Variants in MAP3K4 observed in about 807,000 individuals in gnomAD.
MAP3K4 encodes the protein mitogen-activated protein kinase kinase kinase 4.
MAP3K4 carries 67 observed loss-of-function variants against 185.6 expected under a neutral mutation model. The ratio of observed to expected loss-of-function variants is 0.36; its 90% CI spans 0.30 to 0.44. The LOEUF (loss-of-function observed/expected upper bound fraction) is 0.44, where lower values mean the gene tolerates loss of function less well. Ranked by LOEUF, MAP3K4 falls within the 20% of genes least tolerant of loss-of-function variation. The pLI is 1.00. For synonymous variants in MAP3K4, 702 were observed against 710.4 expected (o/e 0.99, Z 0.19); for missense variants, 1,551 against 1,995.1 (o/e 0.78, Z 4.24).
chr6:161,059,326 G>A (rs559129043), intron 3 of MAP3K4, among the ~76,000 whole-genome samples: 1 of 152,114 alleles, frequency 6.6e-6, no homozygotes, highest in South Asian at 2.1e-4. Context: ...TAGTAGAGAT[G>A]GGGTTTCATT....
In MAP3K4 at chr6:161,087,406, G is replaced by A. The variant is rs2140650; in HGVS notation, c.2557-282G>A. On this transcript the variant is annotated intron_variant, in intron 9 of 26. Transcript: ENST00000392142. The surrounding 1 kb of genome is among the most constrained non-coding windows in gnomAD (Gnocchi z 4.9). The stretch of plus-strand genomic sequence containing the variant: ...TTCTTTCAGGCTGCCTTGCCTCCCC[G>A]TCGAGTATTTTCTTTGTTGTTGAAA... 0.68 allele frequency among the ~76,000 whole-genome samples: 103,983 copies of A among 152,008 alleles called. 36,392 individuals carry two copies. The highest frequency in any genetic ancestry group is 0.77 in the Admixed American group (11,771 of 15,280).
At chr6:161,015,699 G>T (rs999448702) in intron 1 of MAP3K4, among the ~76,000 whole-genome samples, 1 of 152,044 alleles carries the variant, frequency 6.6e-6, no homozygotes, top group Non-Finnish European at 1.5e-5. Context: ...GGTGCGGGGC[G>T]GGGGGAAGGT....
At chr6:161,068,320 G>A (rs1228518752) in intron 3 of MAP3K4, among the ~76,000 whole-genome samples, 3 of 152,180 alleles carry the variant, frequency 2.0e-5, no homozygotes, top group African/African-American at 7.2e-5. Context: ...AGAGGAGGGT[G>A]GCATCTGGGC....
rs185557180 is a variant in MAP3K4, at chr6:161,017,322, G to T, written c.153-16937G>T. Among the ~76,000 whole-genome samples the T allele has an allele frequency of 4.0e-3, 602 of 152,158 alleles. 1 individual carries two copies. Among genetic ancestry groups the T allele is most frequent in the Non-Finnish European group, 6.8e-3 (461 of 67,974 alleles). ...GTCAAAACAATTTGGTGGCATACTT[G>T]TTTCTGTTAATGATATTTCCCCCTC... On this transcript the variant is annotated intron_variant, in intron 1 of 26. Coordinates refer to ENST00000392142, the MANE Select transcript of MAP3K4 (RefSeq NM_005922.4). This position sits in a 1 kb window ranked among gnomAD's most constrained non-coding sequence, Gnocchi z 5.1.
At chr6:161,029,919 A>G (rs1046464300) in intron 1 of MAP3K4, among the ~76,000 whole-genome samples, 1 of 152,154 alleles carries the variant, frequency 6.6e-6, no homozygotes, top group African/African-American at 2.4e-5. Flanking sequence ...TTAATATGTT[A>G]CTTCTAAGCT....
chr6:161,036,926 C>T (rs1222802149), intron 2 of MAP3K4, among the ~76,000 whole-genome samples: 3 of 152,166 alleles, frequency 2.0e-5, no homozygotes, highest in African/African-American at 7.2e-5. Context: ...AAATCCAAAA[C>T]ACTTCTGGTC....
At position 161,049,220 on chromosome 6, in the gene MAP3K4, T is replaced by A; in HGVS notation, c.948T>A (p.Gly316=). The A allele has an allele frequency of 1.2e-6, 2 of 1,614,070 alleles. No individual in the cohort carries two copies. Among genetic ancestry groups the A allele is most frequent in the Non-Finnish European group, 1.7e-6 (2 of 1,180,006 alleles). ...GSFAFVRDRA[G]FNGTSVEGQC... is the part of the protein sequence containing the mutation. ...TCGCCTTTGTTAGAGATAGAGCTGG[T>A]TTTAATGGTACTTCAGTAGAAGGGC... is the stretch of plus-strand genomic sequence containing the variant. The change falls in exon 3 of 27, where the codon GGT becomes GGA. Residue 316 remains glycine, a synonymous_variant. Transcript: ENST00000392142. The surrounding 1 kb of genome is among the most constrained non-coding windows in gnomAD (Gnocchi z 8.4).
rs183480017 is a variant in MAP3K4, at chr6:161,004,879, A to G, written c.152+12796A>G. Among the ~76,000 whole-genome samples, 643 of 152,352 alleles carry G rather than the reference A, an allele frequency of 4.2e-3. 5 individuals carry two copies. Among genetic ancestry groups the G allele is most frequent in the African/African-American group, 0.015 (616 of 41,582 alleles). On this transcript the variant is annotated intron_variant, in intron 1 of 26. Transcript: ENST00000392142. ...TTGTGCAGATAATGTAGAAAAGTAA[A>G]GAATAACTTTTACAGTCTATTAAGA...
chr6:161,003,220 A>T (rs1334670655), intron 1 of MAP3K4, among the ~76,000 whole-genome samples: 1 of 152,190 alleles, frequency 6.6e-6, no homozygotes, highest in East Asian at 1.9e-4. Flanking sequence ...GTATTAAGTT[A>T]TTCATACCAG....
rs988947793 is a variant in MAP3K4 at position 161,076,040 on chromosome 6, C to T, written c.2097+2428C>T. Among the ~76,000 whole-genome samples, 4 of 152,166 alleles carry T rather than the reference C, an allele frequency of 2.6e-5. No homozygotes were observed. Among genetic ancestry groups the T allele is most frequent in the African/African-American group, 4.8e-5 (2 of 41,424 alleles). ...AAAACAGCAAATGGAAAAATTCCTT[C>T]TTCAGAGAAGGAGGAAATTGGCCAC... On this transcript the variant is annotated intron_variant, in intron 5 of 26. Transcript: ENST00000392142. This position sits in a 1 kb window ranked among gnomAD's most constrained non-coding sequence, Gnocchi z 4.2.
rs374784525 is a variant in MAP3K4, at chr6:161,020,529, G to A, written c.153-13730G>A. ...AAATATTAGCTGGGCGTGGTAGTGC[G>A]CGCCTGTAGTCCCAGCAACTCGGGA... On this transcript the variant is annotated intron_variant, in intron 1 of 26. Transcript: ENST00000392142. Among the ~76,000 whole-genome samples, 272 of 151,948 alleles carry A rather than the reference G, an allele frequency of 1.8e-3. 1 individual carries two copies. The highest frequency in any genetic ancestry group is 6.3e-3 in the African/African-American group (262 of 41,442).
In MAP3K4 at chr6:161,054,359, T is replaced by C. The variant is rs1784142420; in HGVS notation, c.1707+4380T>C. Among the ~76,000 whole-genome samples, 1 of 152,174 alleles carries C rather than the reference T, an allele frequency of 6.6e-6. No individual in the cohort carries two copies. The highest frequency in any genetic ancestry group is 2.4e-5 in the African/African-American group (1 of 41,446). On this transcript the variant is annotated intron_variant, in intron 3 of 26. Coordinates refer to ENST00000392142, the MANE Select transcript of MAP3K4 (RefSeq NM_005922.4). This position sits in a 1 kb window ranked among gnomAD's most constrained non-coding sequence, Gnocchi z 4.2. ...TAGTAGAGATGGTGTTTCACCATGT[T>C]GGTCAGGCTGGTCTCAAACTCCTGA...
At chr6:161,078,866 T>C (rs4472323) in intron 5 of MAP3K4, among the ~76,000 whole-genome samples, 138,148 of 152,246 alleles carry the variant, frequency 0.91, 62,865 homozygotes, top group East Asian at 0.99. Context: ...CTTAAAGGGG[T>C]AGGGTCTTTT....
At position 161,091,866 on chromosome 6, in the gene MAP3K4, ATTC is replaced by A; in HGVS notation, c.3136-140_3136-138del. On this transcript the variant is annotated intron_variant, in intron 12 of 26. Transcript: ENST00000392142. This position sits in a 1 kb window ranked among gnomAD's most constrained non-coding sequence, Gnocchi z 5.5. ...ATTTTGAAACACTGTACTTTCCATA[ATTC>A]TTCATACTATTCAAAATATAGAAAT... The A allele has an allele frequency of 2.8e-6, 2 of 705,690 alleles. No homozygotes were observed. Among genetic ancestry groups the A allele is most frequent in the Non-Finnish European group, 4.6e-6 (2 of 434,582 alleles). 43.7% of individuals were successfully genotyped at this position (705,690 alleles called of 1,614,324 possible).
At position 161,100,029 on chromosome 6, in the gene MAP3K4, C is replaced by G. The variant is rs1315425106; in HGVS notation, c.3674+1602C>G. Among the ~76,000 whole-genome samples, 1 of 152,154 alleles carries G rather than the reference C, an allele frequency of 6.6e-6. No homozygotes were observed. The highest frequency in any genetic ancestry group is 2.4e-5 in the African/African-American group (1 of 41,422). On this transcript the variant is annotated intron_variant, in intron 17 of 26. Transcript: ENST00000392142. This position sits in a 1 kb window ranked among gnomAD's most constrained non-coding sequence, Gnocchi z 5.8. The stretch of plus-strand genomic sequence containing the variant: ...GGTATCTTGAAGGACATTTTTTACT[C>G]AGGATTCCCGTTTACTTTATGACCG...
chr6:161,039,147 C>G (rs552267545), intron 2 of MAP3K4, among the ~76,000 whole-genome samples: 1 of 152,148 alleles, frequency 6.6e-6, no homozygotes, highest in South Asian at 2.1e-4. Context: ...CTCAAGGCAG[C>G]GGTACCAGGT....
rs1583171878 is a variant in MAP3K4, at chr6:161,053,796, G to C, written c.1707+3817G>C. On this transcript the variant is annotated intron_variant, in intron 3 of 26. Coordinates refer to ENST00000392142, the MANE Select transcript of MAP3K4 (RefSeq NM_005922.4). The surrounding 1 kb of genome is among the most constrained non-coding windows in gnomAD (Gnocchi z 4.2). ...TTAATAGAGACGGGGGTTTCACCATGTTGGCCAGGCTAGTCTTGAACTCCT... is the reference window on the plus strand; with the variant it reads ...TTAATAGAGACGGGGGTTTCACCATCTTGGCCAGGCTAGTCTTGAACTCCT... 2.0e-5 allele frequency among the ~76,000 whole-genome samples: 3 copies of C among 152,168 alleles called. No individual in the cohort carries two copies. In the East Asian group the frequency reaches 5.8e-4, roughly 30 times the overall value.
In MAP3K4 at chr6:161,090,578, G is replaced by A. The variant is rs533797877; in HGVS notation, c.2974-801G>A. On this transcript the variant is annotated intron_variant, in intron 11 of 26. Coordinates refer to ENST00000392142, the MANE Select transcript of MAP3K4 (RefSeq NM_005922.4). ...GGCAGGGCTTCTCAGCCTCTTGGAT[G>A]TGGACGTTTGGGCCCGTAACTCTTG... 1.4e-3 allele frequency among the ~76,000 whole-genome samples: 176 copies of A among 128,514 alleles called. 2 individuals carry two copies. Among genetic ancestry groups the A allele is most frequent in the Non-Finnish European group, 2.4e-3 (145 of 59,574 alleles). The allele number at this position is 128,514 out of a possible 152,430, so 84.3% of individuals were successfully genotyped here.
At chr6:161,035,674 T>C (rs1336616916) in intron 2 of MAP3K4, among the ~76,000 whole-genome samples, 2 of 152,242 alleles carry the variant, frequency 1.3e-5, no homozygotes. Flanking sequence ...TTGAAAATCA[T>C]TTATTGTACA....
Sources: gnomAD v4.1 joint callset for allele counts (sites outside exome capture counted in the v4.1 genomes callset) on GRCh38, gnomAD v4.1.1 for gene constraint, Gnocchi (gnomAD v3.1) non-coding constraint, MANE v1.5 for transcripts, NCBI Gene and HGNC (gene_info 2026-07-23, HGNC 2026-07-21) for gene names.